Variants in CPNE8 observed in about 807,000 individuals in gnomAD.
CPNE8 encodes the protein copine-8.
In CPNE8, 45 loss-of-function variants were observed where a neutral mutation model predicts 81.5. The ratio of observed to expected loss-of-function variants is 0.55; its 90% confidence interval spans 0.44 to 0.71. The LOEUF is 0.71. Ranked by LOEUF, CPNE8 falls within the 30% of genes least tolerant of loss-of-function variation. The probability of loss-of-function intolerance (pLI) is 0.00; values close to 1 mark genes in which losing one functional copy is unlikely to be tolerated. For synonymous variants in CPNE8, 252 were observed against 226.3 expected, an observed-to-expected ratio of 1.11 and a Z score of -1.02; for missense variants, 594 against 672.1, an observed-to-expected ratio of 0.88 and a Z score of 1.28.
intron 3 of CPNE8, among the ~76,000 whole-genome samples, chr12:38,872,464 C>A: frequency 6.6e-6 from 1 of 152,178 alleles, no homozygotes; most frequent in Non-Finnish European, 1.5e-5. Flanking sequence ...ATGCCCTCCA[C>A]CTTCCAATGA....
At chr12:38,725,601 G>A (rs937288817) in intron 11 of CPNE8, among the ~76,000 whole-genome samples, 2 of 151,854 alleles carry the variant, frequency 1.3e-5, no homozygotes, top group African/African-American at 4.8e-5. Flanking sequence ...GCCTTTGACA[G>A]GAAAAAAAGA....
At chr12:38,711,166 T>G (rs1349439896) in intron 13 of CPNE8, among the ~76,000 whole-genome samples, 1 of 152,192 alleles carries the variant, frequency 6.6e-6, no homozygotes, top group African/African-American at 2.4e-5. Context: ...TTCCTACTAT[T>G]AATAATAGTT....
chr12:38,711,313 AGT>A (rs1473342570), intron 13 of CPNE8, among the ~76,000 whole-genome samples: 1 of 152,210 alleles, frequency 6.6e-6, no homozygotes, highest in Non-Finnish European at 1.5e-5. Flanking sequence ...TGGCAAGATT[AGT>A]GCTAGTCCTG....
intron 6 of CPNE8, among the ~76,000 whole-genome samples, chr12:38,824,108 C>CA (rs1943151121): frequency 6.6e-6 from 1 of 151,984 alleles, no homozygotes; most frequent in Non-Finnish European, 1.5e-5. Flanking sequence ...ATTGAAATTG[C>CA]AAAAATCTTA....
At chr12:38,795,905 T>TAGATAGATAGATAGATGAC (rs1555160643) in intron 6 of CPNE8, among the ~76,000 whole-genome samples, 2 of 148,242 alleles carry the variant, frequency 1.3e-5, no homozygotes, top group African/African-American at 5.0e-5. Context: ...AGATAGAAGA[T>TAGATAGATAGATAGATGAC]AGATAATACA....
At chr12:38,781,973 GA>G (rs1485747397) in intron 6 of CPNE8, among the ~76,000 whole-genome samples, 3 of 152,082 alleles carry the variant, frequency 2.0e-5, no homozygotes, top group Non-Finnish European at 4.4e-5. Flanking sequence ...TGTACATCCT[GA>G]AATGAATTCT....
At chr12:38,867,747 C>T (rs2137095026) in intron 3 of CPNE8, among the ~76,000 whole-genome samples, 1 of 152,242 alleles carries the variant, frequency 6.6e-6, no homozygotes, top group African/African-American at 2.4e-5. Context: ...TTTCCATTTG[C>T]CACTAGGAGG....
At chr12:38,887,053 G>C (rs1944247233) in intron 1 of CPNE8, among the ~76,000 whole-genome samples, 1 of 152,168 alleles carries the variant, frequency 6.6e-6, no homozygotes, top group Admixed American at 6.5e-5. Flanking sequence ...AATCAAGAGA[G>C]ACAAGCACCA....
intron 11 of CPNE8, among the ~76,000 whole-genome samples, chr12:38,727,003 G>C (rs1194196309): frequency 2.0e-5 from 3 of 152,124 alleles, no homozygotes; most frequent in African/African-American, 7.2e-5. Context: ...AAATACAGTA[G>C]CATCCGTCAC....
intron 10 of CPNE8, among the ~76,000 whole-genome samples, chr12:38,760,435 G>GTATATATATA (rs139244982): frequency 0.2 from 24,794 of 126,732 alleles, 2,907 homozygotes; most frequent in Non-Finnish European, 0.25. Context: ...TGTATGGTGT[G>GTATATATATA]TATATATATA....
intron 6 of CPNE8, among the ~76,000 whole-genome samples, chr12:38,805,664 A>T (rs1277036923): frequency 3.0e-5 from 1 of 33,070 alleles, no homozygotes; most frequent in African/African-American, 6.2e-5. Flanking sequence ...AGTATAATAA[A>T]AAAAAAAAAC....
chr12:38,654,105 C>G, intron 19 of CPNE8, 35 bp from the exon 20 acceptor site: 1 of 1,556,618 alleles, frequency 6.4e-7, no homozygotes, highest in Non-Finnish European at 8.7e-7. Context: ...ATTTCACAGA[C>G]TTTAGCAGGC....
At chr12:38,712,205 ATTTTT>A (rs200471171) in intron 13 of CPNE8, among the ~76,000 whole-genome samples, 5 of 135,942 alleles carry the variant, frequency 3.7e-5, no homozygotes, top group Non-Finnish European at 6.4e-5. Flanking sequence ...CAATGATGCC[ATTTTT>A]TTTTTTTTTT....
chr12:38,830,667 A>G (rs1167012374), intron 5 of CPNE8, among the ~76,000 whole-genome samples: 6 of 152,238 alleles, frequency 3.9e-5, no homozygotes, highest in Non-Finnish European at 1.5e-5. Context: ...ATGGCAAACA[A>G]AATGTGTTCA....
rs546713449 is a variant in CPNE8 at position 38,795,437 on chromosome 12, G to A, written c.408-19136C>T. Among the ~76,000 whole-genome samples, 13 of 152,124 alleles carry A rather than the reference G, an allele frequency of 8.5e-5. No individual in the cohort carries two copies. In the East Asian group the frequency reaches 9.7e-4, roughly 11 times the overall value. On this transcript the variant is annotated intron_variant, in intron 6 of 19. Transcript: ENST00000331366. ...ATATTTGCACACCTATGTTAATAGC[G>A]GCACTATTCACAATATCTAAGAAGT... is the stretch of plus-strand genomic sequence containing the variant.
chr12:38,841,259 A>G (rs574055925), intron 4 of CPNE8, among the ~76,000 whole-genome samples: 2 of 152,304 alleles, frequency 1.3e-5, no homozygotes, highest in African/African-American at 4.8e-5. Context: ...CAATCTTAGC[A>G]TTACTCCAAG....
At chr12:38,796,583 G>C (rs1303926169) in intron 6 of CPNE8, among the ~76,000 whole-genome samples, 4 of 152,144 alleles carry the variant, frequency 2.6e-5, no homozygotes, top group African/African-American at 9.7e-5. Context: ...GGCCGAATAG[G>C]AACAGCTCCG....
At chr12:38,875,396 ATGACT>A (rs2137111044) in intron 1 of CPNE8, among the ~76,000 whole-genome samples, 1 of 152,300 alleles carries the variant, frequency 6.6e-6, no homozygotes, top group South Asian at 2.1e-4. Flanking sequence ...ATCTAGAATG[ATGACT>A]TGAGGGTTCT....
chr12:38,834,055 A>G (rs1943342951), intron 5 of CPNE8, among the ~76,000 whole-genome samples: 1 of 152,148 alleles, frequency 6.6e-6, no homozygotes, highest in African/African-American at 2.4e-5. Context: ...ACCAGGGGCT[A>G]TATCAAGGAC....
Sources: allele counts gnomAD v4.1 joint callset (sites outside exome capture counted in the v4.1 genomes callset), GRCh38; gene constraint gnomAD v4.1.1; transcripts MANE v1.5; gene names NCBI Gene and HGNC (gene_info 2026-07-23, HGNC 2026-07-21).